C8orf34: variants seen among roughly 807,000 people sequenced by gnomAD.
C8orf34 encodes the protein uncharacterized protein C8orf34.
Under a neutral mutation model 68.3 loss-of-function variants are expected in C8orf34, and 65 were observed. That is an observed-to-expected ratio of 0.95 (90% CI 0.78 to 1.17). The LOEUF (loss-of-function observed/expected upper bound fraction) is 1.17. Among genes scored for constraint, C8orf34 ranks in the 50% most tolerant of loss-of-function variants. The pLI is 0.00. For missense variants in C8orf34, 664 were observed against 655.4 expected (o/e 1.01, Z -0.14); for synonymous variants, 244 against 241.2 (o/e 1.01, Z -0.11).
intron 7 of C8orf34, among the ~76,000 whole-genome samples, chr8:68,568,559 A>AG (rs1435076511): frequency 4.0e-5 from 6 of 151,210 alleles, no homozygotes; most frequent in Non-Finnish European, 7.4e-5. Context: ...AGCTTCAATT[A>AG]GAAAAAAAAA....
chr8:68,724,300 C>T (rs980822335), intron 10 of C8orf34, among the ~76,000 whole-genome samples: 3 of 151,798 alleles, frequency 2.0e-5, no homozygotes, highest in Admixed American at 1.3e-4. Context: ...TCTTTATTAC[C>T]GTAAGAAATA....
intron 12 of C8orf34, among the ~76,000 whole-genome samples, chr8:68,811,335 C>G (rs978161091): frequency 1.3e-5 from 2 of 152,218 alleles, no homozygotes; most frequent in Non-Finnish European, 2.9e-5. Context: ...CAGTCACTTC[C>G]GAGCCTGCAG....
At chr8:68,378,064 A>C (rs1338809616) in intron 1 of C8orf34, among the ~76,000 whole-genome samples, 1 of 152,200 alleles carries the variant, frequency 6.6e-6, no homozygotes, top group African/African-American at 2.4e-5. Context: ...TGGGGGGATT[A>C]TGGAGATAAT....
chr8:68,369,533 T>C (rs1194892573), intron 1 of C8orf34, among the ~76,000 whole-genome samples: 2 of 152,210 alleles, frequency 1.3e-5, no homozygotes, highest in African/African-American at 2.4e-5. Flanking sequence ...AAGAATATAA[T>C]GTATCAGAAG....
intron 7 of C8orf34, among the ~76,000 whole-genome samples, chr8:68,623,317 G>T (rs1818441315): frequency 6.6e-6 from 1 of 152,116 alleles, no homozygotes; most frequent in African/African-American, 2.4e-5. Flanking sequence ...ATCAGCAGTG[G>T]TTCTCAACCT....
rs371656510 is a variant in C8orf34, at chr8:68,818,194, C to T, written c.1610-45C>T. The T allele has an allele frequency of 1.2e-5, 19 of 1,603,574 alleles. No homozygotes were observed. In the African/African-American group the frequency reaches 2.3e-4, roughly 19 times the overall value. On this transcript the variant is annotated intron_variant, in intron 13 of 13. Coordinates refer to ENST00000518698, the MANE Select transcript of C8orf34 (RefSeq NM_052958.4). ...TCTTTTTAATATGCTATAATGTAAA[C>T]ATGTTATTAAGCACATTTTCTTCTG...
At chr8:68,811,678 G>A (rs1489927800) in intron 12 of C8orf34, among the ~76,000 whole-genome samples, 6 of 152,174 alleles carry the variant, frequency 3.9e-5, no homozygotes, top group African/African-American at 1.2e-4. Flanking sequence ...AGCCATTGAC[G>A]TTTTAAAGCT....
intron 8 of C8orf34, among the ~76,000 whole-genome samples, chr8:68,651,064 T>C (rs1819343532): frequency 6.6e-6 from 1 of 152,198 alleles, no homozygotes; most frequent in Non-Finnish European, 1.5e-5. Flanking sequence ...TTACCCTCTC[T>C]ATCTGCCTAA....
intron 7 of C8orf34, chr8:68,534,513 C>A: frequency 3.0e-6 from 2 of 657,302 alleles, no homozygotes; most frequent in Non-Finnish European, 3.8e-6. Context: ...TTGGATGAAG[C>A]ACACAGTTGT....
At chr8:68,497,372 G>A (rs943106714) in intron 5 of C8orf34, among the ~76,000 whole-genome samples, 2 of 152,200 alleles carry the variant, frequency 1.3e-5, no homozygotes, top group African/African-American at 4.8e-5. Flanking sequence ...CTCTGTTGGT[G>A]AGGCACTGGA....
chr8:68,432,420 C>T (rs1239260730), intron 1 of C8orf34, among the ~76,000 whole-genome samples: 1 of 151,942 alleles, frequency 6.6e-6, no homozygotes, highest in Non-Finnish European at 1.5e-5. Context: ...AAGTGATCTT[C>T]CTGCCTCAGC....
chr8:68,423,087 C>G (rs553911697), intron 1 of C8orf34, among the ~76,000 whole-genome samples: 15 of 152,262 alleles, frequency 9.9e-5, no homozygotes, highest in African/African-American at 3.1e-4. Context: ...CTCTGACATG[C>G]GCAGAGATAT....
Position 68,421,261 on chromosome 8 carries a change from G to T in C8orf34, c.328-18238G>T, listed in dbSNP as rs555223005. Among the ~76,000 whole-genome samples the T allele has an allele frequency of 9.2e-5, 14 of 152,268 alleles. No individual in the cohort carries two copies. The East Asian group carries it at 2.5e-3, about 27-fold the overall frequency. On this transcript the variant is annotated intron_variant, in intron 1 of 13. Transcript: ENST00000518698. ...AAATGACAAAGAGCTCTGAAATCTAGAAAGAAGAAGGTAGACTGACTAGAA... is the reference window on the plus strand; with the variant it reads ...AAATGACAAAGAGCTCTGAAATCTATAAAGAAGAAGGTAGACTGACTAGAA...
chr8:68,565,233 G>A (rs115349451), intron 7 of C8orf34, among the ~76,000 whole-genome samples: 1,572 of 152,238 alleles, frequency 0.01, 36 homozygotes, highest in African/African-American at 0.035. Context: ...CACTGTAGTC[G>A]TGATGTTTTC....
At chr8:68,785,330 G>A (rs548667027) in intron 11 of C8orf34, among the ~76,000 whole-genome samples, 2 of 152,214 alleles carry the variant, frequency 1.3e-5, no homozygotes, top group South Asian at 2.1e-4. Context: ...CATTATGCAC[G>A]GATCATTCCA....
chr8:68,380,077 A>T (rs1381760458), intron 1 of C8orf34, among the ~76,000 whole-genome samples: 1 of 152,114 alleles, frequency 6.6e-6, no homozygotes, highest in South Asian at 2.1e-4. Context: ...GCCCAGGTGG[A>T]TCTCAAACTC....
intron 5 of C8orf34, among the ~76,000 whole-genome samples, chr8:68,501,489 A>G (rs1295552182): frequency 1.3e-5 from 2 of 152,184 alleles, no homozygotes; most frequent in Non-Finnish European, 2.9e-5. Flanking sequence ...TTTCTTCAGA[A>G]CAAGGCTTCT....
chr8:68,449,150 A>C (rs1408319345), intron 3 of C8orf34, among the ~76,000 whole-genome samples: 1 of 152,144 alleles, frequency 6.6e-6, no homozygotes, highest in Non-Finnish European at 1.5e-5. Flanking sequence ...AAAGTTAGTC[A>C]CATGGAAAAA....
chr8:68,341,769 A>G lies in C8orf34; in HGVS notation c.327+10430A>G, dbSNP rs372650205. ...GAGTAAAACTCCCTGAGGCCGTCCC[A>G]GAAGCTGAGCCGATGCCAGTGCCAT... On this transcript the variant is annotated intron_variant, in intron 1 of 13. Coordinates refer to ENST00000518698, the MANE Select transcript of C8orf34 (RefSeq NM_052958.4). 1.3e-4 allele frequency among the ~76,000 whole-genome samples: 20 copies of G among 152,348 alleles called. 1 individual carries two copies. In the East Asian group the frequency reaches 2.3e-3, roughly 18 times the overall value.
Sources: gnomAD v4.1 joint callset for allele counts (sites outside exome capture counted in the v4.1 genomes callset) on GRCh38, gnomAD v4.1.1 for gene constraint, MANE v1.5 for transcripts, NCBI Gene and HGNC (gene_info 2026-07-23, HGNC 2026-07-21) for gene names.